Variants in GSAP observed in about 807,000 individuals in gnomAD.
The protein encoded by GSAP is gamma-secretase-activating protein.
In GSAP, 118 loss-of-function variants were observed where a neutral mutation model predicts 131.7. The ratio of observed to expected loss-of-function variants is 0.90; its 90% CI spans 0.77 to 1.04. The LOEUF (loss-of-function observed/expected upper bound fraction) is 1.04. Among genes scored for constraint, GSAP ranks in the 50% least tolerant of loss-of-function variants. The pLI is 0.00. For synonymous variants in GSAP, 381 were observed against 363.4 expected (o/e 1.05, Z -0.55); for missense variants, 1,019 against 1,013.2 (o/e 1.01, Z -0.08).
Position 77,402,616 on chromosome 7 carries a change from A to AAAAAAAAAAAAAAAAAAAAAAAG in GSAP, c.243+1942_243+1943insCTTTTTTTTTTTTTTTTTTTTTT, listed in dbSNP as rs375595494. On this transcript the variant is annotated intron_variant, in intron 3 of 30. Transcript: ENST00000257626. ...CTCAAAAAAAAAAAAAAAAAAAAAA[A>AAAAAAAAAAAAAAAAAAAAAAAG]GAATTTTAAAGCCCATCTAGATTTG... Among the ~76,000 whole-genome samples the AAAAAAAAAAAAAAAAAAAAAAAG allele has an allele frequency of 6.2e-5, 5 of 80,422 alleles. 1 individual carries two copies. The highest frequency in any genetic ancestry group is 1.8e-4 in the Admixed American group (1 of 5,668). The allele number at this position is 80,422 out of a possible 152,430, so 52.8% of individuals were successfully genotyped here. A position where few individuals can be genotyped will look rare whatever the true frequency, so the allele number is the denominator to read the frequency against.
intron 5 of GSAP, among the ~76,000 whole-genome samples, chr7:77,391,762 G>T (rs1008631801): frequency 2.0e-5 from 3 of 152,198 alleles, no homozygotes; most frequent in Non-Finnish European, 4.4e-5. Context: ...CTGGGCCAGG[G>T]AGGTCGAGGC....
intron 18 of GSAP, among the ~76,000 whole-genome samples, chr7:77,351,895 C>T (rs1792914890): frequency 6.6e-6 from 1 of 152,146 alleles, no homozygotes; most frequent in African/African-American, 2.4e-5. Flanking sequence ...GGTGGTGTAA[C>T]CTGCAGACTT....
At chr7:77,401,604 C>A (rs1286936608) in intron 3 of GSAP, among the ~76,000 whole-genome samples, 5 of 152,040 alleles carry the variant, frequency 3.3e-5, no homozygotes, top group Admixed American at 6.5e-5. Flanking sequence ...AAAAAAAGTT[C>A]TTGAAAGAGA....
intron 18 of GSAP, 104 bp from the exon 19 acceptor site, chr7:77,349,508 C>T: frequency 1.2e-6 from 1 of 866,072 alleles, no homozygotes; most frequent in Non-Finnish European, 1.9e-6. Flanking sequence ...CTGAGGGCAG[C>T]TTCCAGCTTC....
chr7:77,371,455 GAC>G (rs975217488), intron 12 of GSAP, among the ~76,000 whole-genome samples: 3 of 129,908 alleles, frequency 2.3e-5, no homozygotes, highest in African/African-American at 8.8e-5. Flanking sequence ...TTTTTTTTAA[GAC>G]AGAGTCTTGC....
At position 77,372,113 on chromosome 7, in the gene GSAP, T is replaced by C. The variant is rs369194372; in HGVS notation, c.871+1957A>G. 4.6e-5 allele frequency among the ~76,000 whole-genome samples: 7 copies of C among 152,386 alleles called. No individual in the cohort carries two copies. The East Asian group carries it at 7.7e-4, about 17-fold the overall frequency. ...ATGTCTAACTGTGCCTTTACTCAGTTGTGTGTAGCTTCCAATTTACAAATA... is the reference window on the plus strand; with the variant it reads ...ATGTCTAACTGTGCCTTTACTCAGTCGTGTGTAGCTTCCAATTTACAAATA... On this transcript the variant is annotated intron_variant, in intron 12 of 30. Transcript: ENST00000257626.
Position 77,401,225 on chromosome 7 carries a change from G to A in GSAP, c.243+3334C>T, listed in dbSNP as rs183566289. ...TAAAAATGTCCCAAATTTGGCAAGA[G>A]ACTACAGATTCAATAAGCGGAGTAA... is the stretch of plus-strand genomic sequence containing the variant. On this transcript the variant is annotated intron_variant, in intron 3 of 30. Coordinates refer to ENST00000257626, the MANE Select transcript of GSAP (RefSeq NM_017439.4). 5.3e-5 allele frequency among the ~76,000 whole-genome samples: 8 copies of A among 152,078 alleles called. No individual in the cohort carries two copies. In the South Asian group the frequency reaches 1.7e-3, roughly 32 times the overall value.
chr7:77,349,039 A>C (rs970605337), intron 19 of GSAP, among the ~76,000 whole-genome samples: 1 of 152,238 alleles, frequency 6.6e-6, no homozygotes, highest in Non-Finnish European at 1.5e-5. Flanking sequence ...AAGATCATCT[A>C]CAAGACCTCC....
chr7:77,314,332 G>A lies in GSAP; in HGVS notation c.2209+38C>T, dbSNP rs774488456. The A allele has an allele frequency of 1.1e-5, 18 of 1,610,492 alleles. No homozygotes were observed. In the African/African-American group the frequency reaches 1.9e-4, roughly 17 times the overall value. On this transcript the variant is annotated intron_variant, in intron 27 of 30. Transcript: ENST00000257626. ...AGAAGCTAGCCTTGGTGGTGCTCAG[G>A]CTGGAACTAGCACTCTGGCAAACTC...
At chr7:77,324,099 G>C (rs1219074313) in intron 23 of GSAP, among the ~76,000 whole-genome samples, 1 of 152,148 alleles carries the variant, frequency 6.6e-6, no homozygotes, top group Non-Finnish European at 1.5e-5. Context: ...AGAGTCCTGG[G>C]GGATTAACAG....
At chr7:77,387,510 A>G in intron 5 of GSAP, 62 bp from the exon 6 acceptor site, 1 of 887,696 alleles carries the variant, frequency 1.1e-6, no homozygotes, top group Non-Finnish European at 1.9e-6. Flanking sequence ...TTTTTTCCAA[A>G]GCAAGGAGTA....
upstream of GSAP, chr7:77,416,486 C>A: frequency 2.4e-6 from 1 of 424,636 alleles, no homozygotes. Flanking sequence ...AGCTCCGGCA[C>A]CAGCTCCTCC....
At chr7:77,371,005 C>T (rs1796032473) in intron 12 of GSAP, among the ~76,000 whole-genome samples, 1 of 152,142 alleles carries the variant, frequency 6.6e-6, no homozygotes, top group African/African-American at 2.4e-5. Context: ...GTCCCCAGAT[C>T]TTATTCATAA....
chr7:77,390,131 T>G (rs1249120325), intron 5 of GSAP, among the ~76,000 whole-genome samples: 1 of 152,170 alleles, frequency 6.6e-6, no homozygotes, highest in Non-Finnish European at 1.5e-5. Context: ...TTGATGGGGT[T>G]GTTTGTTTTC....
At chr7:77,330,392 G>A in intron 19 of GSAP, 25 bp from the exon 20 acceptor site, 1 of 1,609,276 alleles carries the variant, frequency 6.2e-7, no homozygotes, top group Non-Finnish European at 8.5e-7. Flanking sequence ...AACATCAGTG[G>A]CCTTCAGAGG....
At chr7:77,312,246 T>C (rs1794464451) in intron 28 of GSAP, 44 bp from the exon 29 acceptor site, 4 of 910,898 alleles carry the variant, frequency 4.4e-6, no homozygotes, top group South Asian at 1.5e-5. Flanking sequence ...CCACACACTA[T>C]ATTAAGTAAA....
intron 19 of GSAP, among the ~76,000 whole-genome samples, chr7:77,337,842 G>C (rs996735050): frequency 6.6e-6 from 1 of 151,996 alleles, no homozygotes; most frequent in Non-Finnish European, 1.5e-5. Flanking sequence ...AGTTTTAATG[G>C]TTTTTCTTCT....
upstream of GSAP, chr7:77,416,441 TGCTG>T: frequency 1.9e-6 from 1 of 512,858 alleles, no homozygotes; most frequent in Non-Finnish European, 3.3e-6. Context: ...CCCCGCCCCC[TGCTG>T]CTTTCGGTTC....
chr7:77,414,843 A>ATTTTT (rs1563154507), intron 1 of GSAP, among the ~76,000 whole-genome samples: 3 of 58,404 alleles, frequency 5.1e-5, no homozygotes, highest in Admixed American at 2.4e-4. Flanking sequence ...CATGTGGGCG[A>ATTTTT]CTTTTTTTTT....
Sources: allele counts gnomAD v4.1 joint callset (sites outside exome capture counted in the v4.1 genomes callset), GRCh38; gene constraint gnomAD v4.1.1; transcripts MANE v1.5; gene names NCBI Gene and HGNC (gene_info 2026-07-23, HGNC 2026-07-21).